The following PRAG1 variants were observed in gnomAD, a reference collection of about 807,000 sequenced individuals.
PRAG1 encodes PEAK1 related, kinase-activating pseudokinase 1.
In PRAG1, 110 loss-of-function variants were observed where a neutral mutation model predicts 95.6. The ratio of observed to expected loss-of-function variants is 1.15; its 90% CI spans 0.99 to 1.35. The LOEUF (loss-of-function observed/expected upper bound fraction) is 1.35, where lower values mean the gene tolerates loss of function less well. PRAG1 is among the 40% of genes most tolerant of loss of function. The pLI is 0.00. For missense variants in PRAG1, 2,554 were observed against 1,864.7 expected, an observed-to-expected ratio of 1.37 and a Z score of -6.81; for synonymous variants, 1,052 against 819.4, an observed-to-expected ratio of 1.28 and a Z score of -4.85.
At chr8:8,382,051 C>T (rs575044414) in intron 1 of PRAG1, among the ~76,000 whole-genome samples, 1 of 152,230 alleles carries the variant, frequency 6.6e-6, no homozygotes, top group Admixed American at 6.5e-5. Flanking sequence ...TAAACATAGC[C>T]TTGTTGCTTT....
Position 8,318,359 on chromosome 8 carries a change from T to G in PRAG1, c.4016A>C (p.Gln1339Pro). Residue 1339 changes from glutamine to proline, a missense_variant, in exon 6 of 6, where the codon CAG becomes CCG. Physicochemically the swap from Gln to Pro is moderately conservative, Grantham distance 76 (BLOSUM62 -1). Coordinates refer to ENST00000615670, the MANE Select transcript of PRAG1 (RefSeq NM_001080826.3). The surrounding 1 kb of genome is among the most constrained non-coding windows in gnomAD (Gnocchi z 4.2). ...LWGPRRELVQ[Q>P]PGTSEEALCG... is the part of the protein sequence containing the mutation. ...CAGCGCCTCCTCCGAGGTGCCCGGCTGCTGCACCAGCTCGCGCCGAGGCCC... is the reference window on the plus strand; with the variant it reads ...CAGCGCCTCCTCCGAGGTGCCCGGCGGCTGCACCAGCTCGCGCCGAGGCCC... The G allele has an allele frequency of 6.2e-7, 1 of 1,613,862 alleles. No homozygotes were observed. The highest frequency in any genetic ancestry group is 8.5e-7 in the Non-Finnish European group (1 of 1,179,840).
intron 3 of PRAG1, among the ~76,000 whole-genome samples, chr8:8,362,966 G>A (rs1799889137): frequency 6.6e-6 from 1 of 152,024 alleles, no homozygotes; most frequent in South Asian, 2.1e-4. Flanking sequence ...AGAGACATAA[G>A]CTGTGAGCTG....
intron 3 of PRAG1, among the ~76,000 whole-genome samples, chr8:8,345,366 A>T (rs1799304116): frequency 7.7e-6 from 1 of 130,286 alleles, no homozygotes; most frequent in African/African-American, 3.0e-5. Context: ...CCCTGTCTCT[A>T]CAAAAAAAAA....
intron 3 of PRAG1, among the ~76,000 whole-genome samples, chr8:8,351,917 C>A (rs2116869074): frequency 6.6e-6 from 1 of 152,204 alleles, no homozygotes; most frequent in South Asian, 2.1e-4. Flanking sequence ...TGAGTTGTTA[C>A]CCACTTGGGA....
At chr8:8,372,539 A>T (rs1800243656) in intron 3 of PRAG1, among the ~76,000 whole-genome samples, 1 of 152,224 alleles carries the variant, frequency 6.6e-6, no homozygotes, top group South Asian at 2.1e-4. Flanking sequence ...CAGGGAAGGA[A>T]GTATCCAGGC....
At chr8:8,373,943 T>G (rs1800296717) in intron 3 of PRAG1, among the ~76,000 whole-genome samples, 1 of 152,188 alleles carries the variant, frequency 6.6e-6, no homozygotes, top group African/African-American at 2.4e-5. Context: ...TTGCTATGGT[T>G]ACTGGGATTT....
At chr8:8,332,797 A>G (rs1404040370) in intron 4 of PRAG1, among the ~76,000 whole-genome samples, 2 of 151,956 alleles carry the variant, frequency 1.3e-5, no homozygotes, top group Admixed American at 1.3e-4. Flanking sequence ...ATCTAAAGGC[A>G]CTCCTAAAGA....
At position 8,318,571 on chromosome 8, in the gene PRAG1, G is replaced by A. The variant is rs542727353; in HGVS notation, c.3804C>T (p.Pro1268=). The change falls in exon 6 of 6, where the codon CCC becomes CCT. Residue 1268 remains proline (P), a synonymous_variant. Coordinates refer to ENST00000615670, the MANE Select transcript of PRAG1 (RefSeq NM_001080826.3). The surrounding 1 kb of genome is among the most constrained non-coding windows in gnomAD (Gnocchi z 4.2). ...GCTGGGCGCGCACCTCGAACGGGTT[G>A]GGTTGGTGCAGCAGCTCGTAGATGA... The part of the protein sequence containing the change: ...GILIYELLHQ[P]NPFEVRAQLR... 4 of 1,613,622 alleles carry A rather than the reference G, an allele frequency of 2.5e-6. No homozygotes were observed. Among genetic ancestry groups the A allele is most frequent in the Admixed American group, 3.3e-5 (2 of 60,000 alleles).
intron 3 of PRAG1, among the ~76,000 whole-genome samples, chr8:8,352,422 G>A (rs1799552840): frequency 6.6e-6 from 1 of 152,202 alleles, no homozygotes; most frequent in East Asian, 1.9e-4. Context: ...AACTATGCAG[G>A]TTGGGGCCAC....
At chr8:8,326,154 A>G (rs995760457) in intron 5 of PRAG1, among the ~76,000 whole-genome samples, 3 of 146,052 alleles carry the variant, frequency 2.1e-5, no homozygotes, top group African/African-American at 7.5e-5. Context: ...CAGTATATAT[A>G]AATAATAAAT....
rs376338338 is a variant in PRAG1 at position 8,327,839 on chromosome 8, C to T, written c.2943G>A (p.Glu981=). 210 of 1,614,124 alleles carry T rather than the reference C, an allele frequency of 1.3e-4. No individual in the cohort carries two copies. Among genetic ancestry groups the T allele is most frequent in the Non-Finnish European group, 1.7e-4 (198 of 1,180,044 alleles). The change falls in exon 5 of 6, where the codon GAG becomes GAA. Residue 981 remains glutamate, a synonymous_variant. Transcript: ENST00000615670. ...ACCAGTTATTCTCATTGAAGTGGAGCTCCTTTTTCTGGCCGCCCATGAAGA... is the reference window on the plus strand; with the variant it reads ...ACCAGTTATTCTCATTGAAGTGGAGTTCCTTTTTCTGGCCGCCCATGAAGA... ...EDLFMGGQKK[E]LHFNENNWSL...
chr8:8,328,579 T>G, intron 4 of PRAG1, 118 bp from the exon 5 acceptor site: 1 of 1,135,820 alleles, frequency 8.8e-7, no homozygotes. Context: ...AATTTTATGT[T>G]ACTTCTTTTC....
At position 8,382,398 on chromosome 8, in the gene PRAG1, C is replaced by T. The variant is rs532197735; in HGVS notation, c.-87-564G>A. ...GGTGGAGAAAGGAATGGTTGGGAAACGGGAGAAGTGGGGTGCTGGCCTGTC... is the reference window on the plus strand; with the variant it reads ...GGTGGAGAAAGGAATGGTTGGGAAATGGGAGAAGTGGGGTGCTGGCCTGTC... On this transcript the variant is annotated intron_variant, in intron 1 of 5. Coordinates refer to ENST00000615670, the MANE Select transcript of PRAG1 (RefSeq NM_001080826.3). Among the ~76,000 whole-genome samples, 10 of 152,240 alleles carry T rather than the reference C, an allele frequency of 6.6e-5. No individual in the cohort carries two copies. In the East Asian group the frequency reaches 1.5e-3, roughly 23 times the overall value.
Position 8,381,595 on chromosome 8 carries a change from C to A in PRAG1, c.153G>T (p.Ala51=), listed in dbSNP as rs369974902. The part of the protein sequence containing the change: ...QLVAGPPQPR[A]GSLPPPPRLP... The stretch of plus-strand genomic sequence containing the variant: ...GGCGCGGTGGAGGGGGCAGGCTGCC[C>A]GCTCTGGGCTGGGGAGGGCCGGCCA... The change falls in exon 2 of 6, where the codon GCG becomes GCT. Residue 51 remains alanine (A), a synonymous_variant. Coordinates refer to ENST00000615670, the MANE Select transcript of PRAG1 (RefSeq NM_001080826.3). 1 of 1,613,922 alleles carries A rather than the reference C, an allele frequency of 6.2e-7. No individual in the cohort carries two copies. Among genetic ancestry groups the A allele is most frequent in the African/African-American group, 1.3e-5 (1 of 74,940 alleles).
Position 8,320,693 on chromosome 8 carries a change from C to A in PRAG1, c.3073-1391G>T, listed in dbSNP as rs368145896. Reference sequence around the variant, plus strand: ...CTCACATCTACCTATAAAATATTATCCTGCAAACACTCCTAAAATAACCCT... The same window carrying A: ...CTCACATCTACCTATAAAATATTATACTGCAAACACTCCTAAAATAACCCT... On this transcript the variant is annotated intron_variant, in intron 5 of 5. Coordinates refer to ENST00000615670, the MANE Select transcript of PRAG1 (RefSeq NM_001080826.3). Among the ~76,000 whole-genome samples the A allele has an allele frequency of 4.3e-4, 65 of 152,308 alleles. 1 individual carries two copies. In the South Asian group the frequency reaches 0.013, roughly 32 times the overall value.
chr8:8,351,450 A>G (rs902572651), intron 3 of PRAG1, among the ~76,000 whole-genome samples: 1 of 152,202 alleles, frequency 6.6e-6, no homozygotes, highest in Admixed American at 6.5e-5. Flanking sequence ...CTATCGACAG[A>G]AGCAGAAATC....
At chr8:8,374,233 T>C (rs2116926292) in intron 3 of PRAG1, among the ~76,000 whole-genome samples, 1 of 152,344 alleles carries the variant, frequency 6.6e-6, no homozygotes, top group Admixed American at 6.5e-5. Flanking sequence ...CCAACTCTTT[T>C]AGAGAAGGGA....
At chr8:8,349,722 A>G (rs1052804051) in intron 3 of PRAG1, among the ~76,000 whole-genome samples, 2 of 152,154 alleles carry the variant, frequency 1.3e-5, no homozygotes, top group African/African-American at 4.8e-5. Flanking sequence ...ATTTATTAGG[A>G]TGCATAAATA....
rs749871698 is a variant in PRAG1 at position 8,328,019 on chromosome 8, G to A, written c.2763C>T (p.Ser921=). The A allele has an allele frequency of 6.3e-7, 1 of 1,584,968 alleles. No individual in the cohort carries two copies. The highest frequency in any genetic ancestry group is 8.6e-7 in the Non-Finnish European group (1 of 1,164,658). ...AGGCTTGACTGGACACGCTCAGCTGGGAGGATGAGGCGGAGGGGGCCCCTT... is the reference window on the plus strand; with the variant it reads ...AGGCTTGACTGGACACGCTCAGCTGAGAGGATGAGGCGGAGGGGGCCCCTT... ...QCKGAPSASS[S]QLSVSSQAST... is the part of the protein sequence containing the mutation. The change falls in exon 5 of 6, where the codon TCC becomes TCT. Residue 921 remains serine, a synonymous_variant. Transcript: ENST00000615670.
Sources: allele counts gnomAD v4.1 joint callset (sites outside exome capture counted in the v4.1 genomes callset), GRCh38; gene constraint gnomAD v4.1.1; non-coding constraint Gnocchi (gnomAD v3.1); transcripts MANE v1.5; gene names NCBI Gene and HGNC (gene_info 2026-07-23, HGNC 2026-07-21).